LAIR1: variants seen among roughly 807,000 people sequenced by gnomAD.
LAIR1 encodes leukocyte associated immunoglobulin like receptor 1.
LAIR1 carries 24 observed loss-of-function variants against 32.8 expected under a neutral mutation model. The ratio of observed to expected loss-of-function variants is 0.73; its 90% confidence interval spans 0.53 to 1.03. The LOEUF (loss-of-function observed/expected upper bound fraction) is 1.03, where lower values mean the gene tolerates loss of function less well. Ranked by LOEUF, LAIR1 falls within the 50% of genes least tolerant of loss-of-function variation. LAIR1 has a pLI of 0.00. For synonymous variants in LAIR1, 150 were observed against 140.5 expected, an observed-to-expected ratio of 1.07 and a Z score of -0.48; for missense variants, 355 against 347.5, an observed-to-expected ratio of 1.02 and a Z score of -0.17.
rs1216249040 is a variant in LAIR1 at position 54,354,328 on chromosome 19, C to T, written c.*940G>A. Reference sequence around the variant, plus strand: ...GTAGGGTCGGCTCTCTGCCTTCACCCAGCCACACCTCCCTCATTCATTCCT... The same window carrying T: ...GTAGGGTCGGCTCTCTGCCTTCACCTAGCCACACCTCCCTCATTCATTCCT... On this transcript the variant is annotated 3_prime_UTR_variant, in exon 10 of 10. Coordinates refer to ENST00000391742, the MANE Select transcript of LAIR1 (RefSeq NM_002287.6). 1 of 152,198 alleles carries T rather than the reference C, an allele frequency of 6.6e-6. No homozygotes were observed. Among genetic ancestry groups the T allele is most frequent in the Non-Finnish European group, 1.5e-5 (1 of 68,036 alleles). 9.4% of individuals were successfully genotyped at this position (152,198 alleles called of 1,614,324 possible).
At chr19:54,363,902 A>T (rs2082137633) in intron 2 of LAIR1, among the ~76,000 whole-genome samples, 1 of 152,096 alleles carries the variant, frequency 6.6e-6, no homozygotes, top group Non-Finnish European at 1.5e-5. Flanking sequence ...AGTTCATAAT[A>T]ATTTATTGTA....
At chr19:54,373,721 G>A (rs1190650805), upstream of LAIR1, among the ~76,000 whole-genome samples, 4 of 152,148 alleles carry the variant, frequency 2.6e-5, no homozygotes, top group Non-Finnish European at 4.4e-5. Context: ...AGCCGAGATC[G>A]CACCAATGGC....
chr19:54,361,879 T>C (rs1350906050), intron 2 of LAIR1, among the ~76,000 whole-genome samples: 2 of 152,144 alleles, frequency 1.3e-5, no homozygotes, highest in Admixed American at 1.3e-4. Context: ...TTAAGGCTCT[T>C]GAAAAACCCC....
Position 54,351,910 on chromosome 19 carries a change from T to C in LAIR1, c.*3358A>G, listed in dbSNP as rs2081540182. The C allele has an allele frequency of 6.6e-6, 1 of 152,126 alleles. No homozygotes were observed. Among genetic ancestry groups the C allele is most frequent in the Non-Finnish European group, 1.5e-5 (1 of 68,010 alleles). 9.4% of individuals were successfully genotyped at this position (152,126 alleles called of 1,614,324 possible). A position where few individuals can be genotyped will look rare whatever the true frequency, so the allele number is the denominator to read the frequency against. On this transcript the variant is annotated 3_prime_UTR_variant, in exon 10 of 10. Transcript: ENST00000391742. ...AAAAAGAAAAAAAAAGTCCACCCTA[T>C]AGTTTGTATAACAAACATTCTCACT...
chr19:54,369,860 C>T (rs543696438), upstream of LAIR1, among the ~76,000 whole-genome samples: 3 of 146,760 alleles, frequency 2.0e-5, no homozygotes, highest in Admixed American at 6.6e-5. Context: ...TATTCCAGCA[C>T]GTCACTGCGT....
Position 54,364,871 on chromosome 19 carries a change from A to G in LAIR1, c.-67T>C. 6.2e-7 allele frequency: 1 copy of G among 1,613,782 alleles called. No homozygotes were observed. Among genetic ancestry groups the G allele is most frequent in the Non-Finnish European group, 8.5e-7 (1 of 1,179,836 alleles). On this transcript the variant is annotated 5_prime_UTR_variant, in exon 1 of 10. Transcript: ENST00000391742. This position sits in a 1 kb window ranked among gnomAD's most constrained non-coding sequence, Gnocchi z 4.8. Reference sequence around the variant, plus strand: ...ATGCAAGGACAGAACTCTGCAGCAGACACAAGCAGACAGGATGTGCTGCCC... The same window carrying G: ...ATGCAAGGACAGAACTCTGCAGCAGGCACAAGCAGACAGGATGTGCTGCCC...
Position 54,364,401 on chromosome 19 carries a change from G to A in LAIR1, c.35-71C>T. 1 of 1,590,898 alleles carries A rather than the reference G, an allele frequency of 6.3e-7. No homozygotes were observed. Among genetic ancestry groups the A allele is most frequent in the South Asian group, 1.1e-5 (1 of 90,492 alleles). On this transcript the variant is annotated intron_variant, in intron 1 of 9. Coordinates refer to ENST00000391742, the MANE Select transcript of LAIR1 (RefSeq NM_002287.6). This position sits in a 1 kb window ranked among gnomAD's most constrained non-coding sequence, Gnocchi z 4.8. Reference sequence around the variant, plus strand: ...CTTACGGGGCTGCTGTCAAAAGGGGGCTCGATGGAGCTGGGGGGCATTCAG... The same window carrying A: ...CTTACGGGGCTGCTGTCAAAAGGGGACTCGATGGAGCTGGGGGGCATTCAG...
In LAIR1 at chr19:54,360,947, C is replaced by T. The variant is rs1280151861; in HGVS notation, c.333G>A (p.Glu111=). 1.9e-6 allele frequency: 3 copies of T among 1,614,154 alleles called. No individual in the cohort carries two copies. The highest frequency in any genetic ancestry group is 2.5e-6 in the Non-Finnish European group (3 of 1,180,016). ...CIYYKPPKWS[E]QSDYLELLVK... is the part of the protein sequence containing the mutation. ...CCAGCAGCTCCAGGTAGTCACTCTG[C>T]TCAGACCATTTAGGGGGCTTATAAT... The change falls in exon 3 of 10, where the codon GAG becomes GAA. Residue 111 remains glutamate, a synonymous_variant. Coordinates refer to ENST00000391742, the MANE Select transcript of LAIR1 (RefSeq NM_002287.6).
upstream of LAIR1, chr19:54,364,953 T>C: frequency 6.5e-7 from 1 of 1,543,554 alleles, no homozygotes; most frequent in Non-Finnish European, 8.7e-7. This position sits in a 1 kb window ranked among gnomAD's most constrained non-coding sequence, Gnocchi z 4.8. Context: ...GAGGAAGAGC[T>C]TTCTGTCCTG....
chr19:54,355,094 A>G lies in LAIR1; in HGVS notation c.*174T>C. The G allele has an allele frequency of 1.6e-6, 1 of 606,942 alleles. No homozygotes were observed. Among genetic ancestry groups the G allele is most frequent in the Non-Finnish European group, 2.9e-6 (1 of 346,624 alleles). The allele number at this position is 606,942 out of a possible 1,614,324, so 37.6% of individuals were successfully genotyped here. On this transcript the variant is annotated 3_prime_UTR_variant, in exon 10 of 10. Transcript: ENST00000391742. The surrounding 1 kb of genome is among the most constrained non-coding windows in gnomAD (Gnocchi z 4.7). ...GTAGAAGGGACCACCTGGCTAACGA[A>G]CCTTCTGGATGCTGGTTAGAAACCT...
Position 54,356,552 on chromosome 19 carries a change from G to A in LAIR1, c.522C>T (p.Phe174=). The A allele has an allele frequency of 6.2e-7, 1 of 1,613,994 alleles. No individual in the cohort carries two copies. Among genetic ancestry groups the A allele is most frequent in the Non-Finnish European group, 8.5e-7 (1 of 1,179,972 alleles). ...GGACCAGGAGGAGGAGACAGAAGAG[G>A]AAGACCACTGAGACCCCGATGAGAA... ...LYILIGVSVV[F]LFCLLLLVLF... is the part of the protein sequence containing the mutation. The change falls in exon 6 of 10, where the codon TTC becomes TTT. Residue 174 remains phenylalanine, a synonymous_variant. Transcript: ENST00000391742.
At chr19:54,356,100 C>A (rs922259839) in intron 8 of LAIR1, 94 bp from the exon 9 acceptor site, 2 of 1,302,588 alleles carry the variant, frequency 1.5e-6, no homozygotes, top group African/African-American at 2.9e-5. Flanking sequence ...TGACATCCTG[C>A]ACCCAATGTA....
chr19:54,365,834 A>T (rs1032704661), upstream of LAIR1, among the ~76,000 whole-genome samples: 70 of 152,110 alleles, frequency 4.6e-4, no homozygotes, highest in Middle Eastern at 3.4e-3. Flanking sequence ...TCCCCTGATC[A>T]CTGCAGCACT....
chr19:54,364,878 C>T lies in LAIR1; in HGVS notation c.-74G>A. 1 of 1,613,572 alleles carries T rather than the reference C, an allele frequency of 6.2e-7. No individual in the cohort carries two copies. Among genetic ancestry groups the T allele is most frequent in the Non-Finnish European group, 8.5e-7 (1 of 1,179,728 alleles). On this transcript the variant is annotated 5_prime_UTR_variant, in exon 1 of 10. Transcript: ENST00000391742. The surrounding 1 kb of genome is among the most constrained non-coding windows in gnomAD (Gnocchi z 4.8). ...GACAGAACTCTGCAGCAGACACAAGCAGACAGGATGTGCTGCCCGGGGGCC... is the reference window on the plus strand; with the variant it reads ...GACAGAACTCTGCAGCAGACACAAGTAGACAGGATGTGCTGCCCGGGGGCC...
In LAIR1 at chr19:54,355,127, C is replaced by A. The variant is rs888334531; in HGVS notation, c.*141G>T. 2 of 805,540 alleles carry A rather than the reference C, an allele frequency of 2.5e-6. No individual in the cohort carries two copies. The highest frequency in any genetic ancestry group is 3.9e-6 in the Non-Finnish European group (2 of 507,038). The allele number at this position is 805,540 out of a possible 1,614,324, so 49.9% of individuals were successfully genotyped here. A position where few individuals can be genotyped will look rare whatever the true frequency, so the allele number is the denominator to read the frequency against. The stretch of plus-strand genomic sequence containing the variant: ...GATGCTGGTTAGAAACCTCCAGTCT[C>A]CAGCTCTTGTCTCCAGGACAGCTGC... On this transcript the variant is annotated 3_prime_UTR_variant, in exon 10 of 10. Coordinates refer to ENST00000391742, the MANE Select transcript of LAIR1 (RefSeq NM_002287.6). This position sits in a 1 kb window ranked among gnomAD's most constrained non-coding sequence, Gnocchi z 4.7.
Position 54,355,810 on chromosome 19 carries a change from G to A in LAIR1, c.717+144C>T. On this transcript the variant is annotated intron_variant, in intron 9 of 9. Coordinates refer to ENST00000391742, the MANE Select transcript of LAIR1 (RefSeq NM_002287.6). This position sits in a 1 kb window ranked among gnomAD's most constrained non-coding sequence, Gnocchi z 4.7. ...GGAGCCTTCGGATGCACACAGCCCT[G>A]GGCGACCTCTCGACAGCAACCTCAG... 1 of 661,006 alleles carries A rather than the reference G, an allele frequency of 1.5e-6. No homozygotes were observed. Among genetic ancestry groups the A allele is most frequent in the Non-Finnish European group, 2.7e-6 (1 of 366,388 alleles). The allele number at this position is 661,006 out of a possible 1,614,324, so 40.9% of individuals were successfully genotyped here.
Position 54,355,052 on chromosome 19 carries a change from C to G in LAIR1, c.*216G>C, listed in dbSNP as rs1314418610. The G allele has an allele frequency of 4.0e-6, 2 of 495,698 alleles. No homozygotes were observed. The highest frequency in any genetic ancestry group is 7.2e-6 in the Non-Finnish European group (2 of 279,138). The allele number at this position is 495,698 out of a possible 1,614,324, so 30.7% of individuals were successfully genotyped here. A position where few individuals can be genotyped will look rare whatever the true frequency, so the allele number is the denominator to read the frequency against. On this transcript the variant is annotated 3_prime_UTR_variant, in exon 10 of 10. Coordinates refer to ENST00000391742, the MANE Select transcript of LAIR1 (RefSeq NM_002287.6). This position sits in a 1 kb window ranked among gnomAD's most constrained non-coding sequence, Gnocchi z 4.7. ...GGAAATAACTGAGAAACAGTCTGTC[C>G]AAGGAGCTGCTCGATTGTAGAAGGG...
chr19:54,365,930 A>G (rs566067868), upstream of LAIR1, among the ~76,000 whole-genome samples: 1 of 152,360 alleles, frequency 6.6e-6, no homozygotes, highest in South Asian at 2.1e-4. Flanking sequence ...ACACAGGGGA[A>G]TACTATTCAG....
chr19:54,366,812 C>T (rs2082272830), upstream of LAIR1, among the ~76,000 whole-genome samples: 1 of 152,100 alleles, frequency 6.6e-6, no homozygotes, highest in African/African-American at 2.4e-5. Context: ...TTCTAAGCAA[C>T]AAAGTGTTCA....
Sources: allele counts gnomAD v4.1 joint callset (sites outside exome capture counted in the v4.1 genomes callset), GRCh38; gene constraint gnomAD v4.1.1; non-coding constraint Gnocchi (gnomAD v3.1); transcripts MANE v1.5; gene names NCBI Gene and HGNC (gene_info 2026-07-23, HGNC 2026-07-21).